The following FGF12 variants were observed in gnomAD, a reference collection of about 807,000 sequenced individuals.
FGF12 encodes fibroblast growth factor 12B.
FGF12 carries 14 observed loss-of-function variants against 23.6 expected under a neutral mutation model. That is an observed-to-expected ratio of 0.59 (90% confidence interval 0.39 to 0.93). FGF12 has a LOEUF of 0.93. FGF12 is among the 40% of genes least tolerant of loss of function. FGF12 has a pLI of 0.00. For synonymous variants in FGF12, 62 were observed against 77.3 expected (o/e 0.80, Z 1.04); for missense variants, 175 against 217.8 (o/e 0.80, Z 1.24).
At chr3:192,203,786 A>G (rs1717503277) in intron 4 of FGF12, among the ~76,000 whole-genome samples, 1 of 151,936 alleles carries the variant, frequency 6.6e-6, no homozygotes, top group African/African-American at 2.4e-5. Context: ...ATTTTTTTGT[A>G]GAGACAGGGT....
intron 2 of FGF12, among the ~76,000 whole-genome samples, chr3:192,567,799 TTCTCTTTCTTTCTTTC>T (rs1712404837): frequency 8.6e-5 from 11 of 128,630 alleles, no homozygotes; most frequent in African/African-American, 3.3e-4. Context: ...CTTTCTTTCT[TTCTCTTTCTTTCTTTC>T]TCTCTCTCTC....
At chr3:192,262,594 A>C (rs192077517) in intron 4 of FGF12, among the ~76,000 whole-genome samples, 2 of 152,114 alleles carry the variant, frequency 1.3e-5, no homozygotes, top group Non-Finnish European at 2.9e-5. Context: ...ACAACTGCCT[A>C]CAGTATTCAG....
At chr3:192,312,557 T>C (rs946141143) in intron 4 of FGF12, among the ~76,000 whole-genome samples, 3 of 152,070 alleles carry the variant, frequency 2.0e-5, no homozygotes, top group Admixed American at 6.6e-5. Context: ...AGTACATAAA[T>C]TTTTAGAAAT....
intron 2 of FGF12, among the ~76,000 whole-genome samples, chr3:192,436,230 T>G (rs1722021235): frequency 6.6e-6 from 1 of 152,204 alleles, no homozygotes; most frequent in Non-Finnish European, 1.5e-5. Context: ...GGCCAAAAAT[T>G]AGATACTTTG....
intron 2 of FGF12, among the ~76,000 whole-genome samples, chr3:192,690,895 T>C (rs1223355830): frequency 1.3e-5 from 2 of 151,978 alleles, no homozygotes; most frequent in African/African-American, 4.8e-5. Context: ...GCTTTTATAT[T>C]GGAAAAGCTA....
chr3:192,715,126 A>G (rs1207790201), intron 2 of FGF12, among the ~76,000 whole-genome samples: 1 of 152,246 alleles, frequency 6.6e-6, no homozygotes, highest in Non-Finnish European at 1.5e-5. Context: ...CTTTGTAAGT[A>G]GAATTGTATT....
At chr3:192,489,808 A>G (rs574731139) in intron 2 of FGF12, among the ~76,000 whole-genome samples, 1 of 152,112 alleles carries the variant, frequency 6.6e-6, no homozygotes, top group East Asian at 1.9e-4. Flanking sequence ...GACGGGAATG[A>G]CACACACTGG....
intron 3 of FGF12, among the ~76,000 whole-genome samples, chr3:192,358,909 T>C (rs1718596713): frequency 1.3e-5 from 2 of 152,156 alleles, no homozygotes; most frequent in South Asian, 4.1e-4. Flanking sequence ...TTTATAGAAA[T>C]TAAACCTGAG....
At chr3:192,425,696 G>A (rs1433969053) in intron 2 of FGF12, among the ~76,000 whole-genome samples, 1 of 152,170 alleles carries the variant, frequency 6.6e-6, no homozygotes, top group African/African-American at 2.4e-5. Flanking sequence ...AGAATGCATT[G>A]CTGTGGAATT....
At chr3:192,484,232 G>C (rs1723564109) in intron 2 of FGF12, among the ~76,000 whole-genome samples, 1 of 149,572 alleles carries the variant, frequency 6.7e-6, no homozygotes, top group African/African-American at 2.5e-5. Flanking sequence ...TCACCACTTA[G>C]GTGCAAAGAT....
intron 2 of FGF12, among the ~76,000 whole-genome samples, chr3:192,713,736 G>T (rs1718769947): frequency 6.6e-6 from 1 of 152,106 alleles, no homozygotes. Context: ...TCAAAATCTT[G>T]TTCATAAATC....
chr3:192,213,010 G>A (rs2108680812), intron 4 of FGF12, among the ~76,000 whole-genome samples: 1 of 152,262 alleles, frequency 6.6e-6, no homozygotes, highest in African/African-American at 2.4e-5. Flanking sequence ...TGGTACCAAT[G>A]GTCTTTGTCC....
chr3:192,158,342 C>CTT (rs1199361255), intron 5 of FGF12, among the ~76,000 whole-genome samples: 4 of 79,534 alleles, frequency 5.0e-5, no homozygotes, highest in African/African-American at 1.8e-4. Context: ...CTCTTTCTTT[C>CTT]TTTCTTTCTT....
At chr3:192,611,702 C>A (rs1348724596) in intron 2 of FGF12, among the ~76,000 whole-genome samples, 1 of 151,914 alleles carries the variant, frequency 6.6e-6, no homozygotes, top group Non-Finnish European at 1.5e-5. Flanking sequence ...AGGTTTTACT[C>A]CTGCTGTCAT....
At chr3:192,704,177 T>C (rs961178186) in intron 2 of FGF12, among the ~76,000 whole-genome samples, 2 of 152,232 alleles carry the variant, frequency 1.3e-5, no homozygotes, top group African/African-American at 4.8e-5. Flanking sequence ...AATCATTATC[T>C]ACAGCAAGTA....
At chr3:192,699,364 G>T (rs1189770901) in intron 2 of FGF12, among the ~76,000 whole-genome samples, 1 of 152,148 alleles carries the variant, frequency 6.6e-6, no homozygotes, top group Non-Finnish European at 1.5e-5. Flanking sequence ...GAATGAGTCA[G>T]TGGTAATCAT....
chr3:192,294,070 T>C (rs1560056071), intron 4 of FGF12, among the ~76,000 whole-genome samples: 1 of 152,194 alleles, frequency 6.6e-6, no homozygotes, highest in Non-Finnish European at 1.5e-5. Context: ...TCATGAGATC[T>C]GATGGTTTTA....
chr3:192,402,208 TTA>T (rs1720791793), intron 2 of FGF12, among the ~76,000 whole-genome samples: 1 of 152,224 alleles, frequency 6.6e-6, no homozygotes, highest in Non-Finnish European at 1.5e-5. Flanking sequence ...AAGCAATCAT[TTA>T]TGTTTATGGT....
chr3:192,645,767 TAAAA>T (rs55809400), intron 2 of FGF12, among the ~76,000 whole-genome samples: 1,878 of 71,006 alleles, frequency 0.026, 44 homozygotes, highest in African/African-American at 0.034. Flanking sequence ...ACAAAACAGG[TAAAA>T]AAAAAAAAAA....
Sources: allele counts gnomAD v4.1 joint callset (sites outside exome capture counted in the v4.1 genomes callset), GRCh38; gene constraint gnomAD v4.1.1; transcripts MANE v1.5; gene names NCBI Gene and HGNC (gene_info 2026-07-23, HGNC 2026-07-21).